Variants in FASN observed in about 807,000 individuals in gnomAD.
FASN encodes 3-hydroxyacyl-[acyl-carrier-protein] dehydratase.
Under a neutral mutation model 250.0 loss-of-function variants are expected in FASN, and 50 were observed. The observed-to-expected ratio is 0.20, with a 90% CI of 0.16 to 0.25. FASN has a LOEUF of 0.25. FASN is among the 10% of genes least tolerant of loss of function. The pLI is 1.00. For missense variants in FASN, 3,031 were observed against 3,498.5 expected, an observed-to-expected ratio of 0.87 and a Z score of 3.37; for synonymous variants, 1,909 against 1,584.0, an observed-to-expected ratio of 1.21 and a Z score of -4.87.
At chr17:82,095,076 G>A (rs747015000) in intron 3 of FASN, among the ~76,000 whole-genome samples, 38 of 152,216 alleles carry the variant, frequency 2.5e-4, no homozygotes, top group Admixed American at 1.4e-3. Flanking sequence ...CCAGACATCA[G>A]AAGCGAGGAG....
chr17:82,081,849 G>T lies in FASN; in HGVS notation c.6164-6C>A. 6.2e-7 allele frequency: 1 copy of T among 1,601,344 alleles called. No homozygotes were observed. The highest frequency in any genetic ancestry group is 8.5e-7 in the Non-Finnish European group (1 of 1,176,580). ...GCCCCACTGCACGGCCAGGCCTGTG[G>T]GGGAGGGGGCAGGTGGGCAGAGCTG... On this transcript the variant is annotated splice_region_variant and splice_polypyrimidine_tract_variant and intron_variant, in intron 36 of 42. Transcript: ENST00000306749.
Position 82,083,850 on chromosome 17 carries a change from G to A in FASN, c.5140C>T (p.Gln1714Ter). Reference protein sequence around the residue: ...KRAYLQARFPQLDSTSFANSR... With the variant: ...KRAYLQARFP ...TTGGCGAAGCTGGTGCTGTCGAGCTGGGGGAACCTGGCCTGGAGGTACGCC... is the reference window on the plus strand; with the variant it reads ...TTGGCGAAGCTGGTGCTGTCGAGCTAGGGGAACCTGGCCTGGAGGTACGCC... The change falls in exon 30 of 43, where the codon CAG becomes TAG. Residue 1714 changes from glutamine (Q) to a stop codon, truncating the protein, a stop_gained. Coordinates refer to ENST00000306749, the MANE Select transcript of FASN (RefSeq NM_004104.5). LOFTEE classifies it high-confidence loss of function. 1 of 1,592,502 alleles carries A rather than the reference G, an allele frequency of 6.3e-7. No individual in the cohort carries two copies. Among genetic ancestry groups the A allele is most frequent in the Non-Finnish European group, 8.5e-7 (1 of 1,170,412 alleles).
At position 82,087,688 on chromosome 17, in the gene FASN, C is replaced by T. The variant is rs200819909; in HGVS notation, c.3040G>A (p.Glu1014Lys). Residue 1014 changes from glutamate to lysine, a missense_variant, in exon 19 of 43, where the codon GAA becomes AAA. Physicochemically the swap from Glu to Lys is moderately conservative, Grantham distance 56 (BLOSUM62 1). Transcript: ENST00000306749. ...HFQGILEASL[E>K]GDSGRLLWKD... is the part of the protein sequence containing the mutation. Reference sequence around the variant, plus strand: ...CAGCAGTGTAGTCAGTACCCACCTTCCAGGCTGGCCTCCAGGATGCCCTGG... The same window carrying T: ...CAGCAGTGTAGTCAGTACCCACCTTTCAGGCTGGCCTCCAGGATGCCCTGG... The T allele has an allele frequency of 6.8e-6, 11 of 1,611,442 alleles. No homozygotes were observed. The East Asian group carries it at 2.2e-4, about 33-fold the overall frequency.
chr17:82,079,214 C>T lies in FASN; in HGVS notation c.7465G>A (p.Gly2489Ser), dbSNP rs753704338. The change falls in exon 43 of 43, where the codon GGC becomes AGC. Residue 2489 changes from glycine to serine, a missense_variant. Gly to Ser is a moderately conservative substitution (Grantham distance 56). Coordinates refer to ENST00000306749, the MANE Select transcript of FASN (RefSeq NM_004104.5). Reference protein sequence around the residue: ...GDHRTLLEGSGLESIISIIHS... With the variant: ...GDHRTLLEGSSLESIISIIHS... The stretch of plus-strand genomic sequence containing the variant: ...ATGATGCTGATGATGGACTCCAGGC[C>T]GCTGCCCTCCAGCAGCGTGCGGTGG... 8.7e-6 allele frequency: 14 copies of T among 1,612,864 alleles called. No individual in the cohort carries two copies. Among genetic ancestry groups the T allele is most frequent in the African/African-American group, 2.7e-5 (2 of 74,934 alleles).
At position 82,085,871 on chromosome 17, in the gene FASN, C is replaced by T. The variant is rs762888619; in HGVS notation, c.3733G>A (p.Val1245Met). 7.8e-6 allele frequency: 12 copies of T among 1,533,136 alleles called. No homozygotes were observed. Among genetic ancestry groups the T allele is most frequent in the Non-Finnish European group, 2.6e-6 (3 of 1,144,140 alleles). The allele number at this position is 1,533,136 out of a possible 1,614,324, so 95.0% of individuals were successfully genotyped here. The change falls in exon 23 of 43, where the codon GTG (valine) becomes ATG (methionine). Residue 1245 changes from valine to methionine, a missense_variant and splice_region_variant. Coordinates refer to ENST00000306749, the MANE Select transcript of FASN (RefSeq NM_004104.5). ...MPSLKMKVVE[V>M]LAGHGHLYSR... ...TACAGGTGACCGTGGCCAGCCAGCA[C>T]CTGTAGGGGGTGAATTCTGGAATCA...
In FASN at chr17:82,087,319, G is replaced by C; in HGVS notation, c.3223+6C>G. 1 of 1,610,668 alleles carries C rather than the reference G, an allele frequency of 6.2e-7. No individual in the cohort carries two copies. Among genetic ancestry groups the C allele is most frequent in the Non-Finnish European group, 8.5e-7 (1 of 1,179,302 alleles). On this transcript the variant is annotated splice_donor_region_variant and intron_variant, in intron 20 of 42. Coordinates refer to ENST00000306749, the MANE Select transcript of FASN (RefSeq NM_004104.5). ...GGGCACTGGGCTGGGGCTGGGGCGG[G>C]GCTACCTTGGGCCTTGTCCTGCAGT...
chr17:82,082,416 TG>T lies in FASN; in HGVS notation c.5920-3del. The T allele has an allele frequency of 1.2e-6, 2 of 1,612,648 alleles. No individual in the cohort carries two copies. The highest frequency in any genetic ancestry group is 1.7e-6 in the Non-Finnish European group (2 of 1,179,918). On this transcript the variant is annotated splice_region_variant and splice_polypyrimidine_tract_variant and intron_variant, in intron 34 of 42. Coordinates refer to ENST00000306749, the MANE Select transcript of FASN (RefSeq NM_004104.5). ...CTCCAGCAAGCCATCTCTCAAGACC[TG>T]GGGGAGGCATCCTCAGCACTCCCTG...
At position 82,090,989 on chromosome 17, in the gene FASN, C is replaced by T. The variant is rs988243219; in HGVS notation, c.1573G>A (p.Glu525Lys). The T allele has an allele frequency of 1.2e-6, 2 of 1,612,798 alleles. No individual in the cohort carries two copies. The highest frequency in any genetic ancestry group is 1.7e-6 in the Non-Finnish European group (2 of 1,180,012). The change falls in exon 10 of 43, where the codon GAG becomes AAG. Residue 525 changes from glutamate (E) to lysine (K), a missense_variant. Physicochemically the swap from Glu to Lys is moderately conservative, Grantham distance 56. Coordinates refer to ENST00000306749, the MANE Select transcript of FASN (RefSeq NM_004104.5). Reference sequence around the variant, plus strand: ...TTCAGGCCGAATGGCTTCACAGCCTCATCGGAGCGTAGGATGGAATCTCGG... The same window carrying T: ...TTCAGGCCGAATGGCTTCACAGCCTTATCGGAGCGTAGGATGGAATCTCGG... ...RFRDSILRSD[E>K]AVKPFGLKVS...
At position 82,083,911 on chromosome 17, in the gene FASN, C is replaced by T. The variant is rs781012694; in HGVS notation, c.5099-20G>A. The T allele has an allele frequency of 1.8e-5, 28 of 1,555,978 alleles. No individual in the cohort carries two copies. In the South Asian group the frequency reaches 1.9e-4, roughly 11 times the overall value. On this transcript the variant is annotated intron_variant, in intron 29 of 42. Coordinates refer to ENST00000306749, the MANE Select transcript of FASN (RefSeq NM_004104.5). The stretch of plus-strand genomic sequence containing the variant: ...CCGACCCTGGTGAAGAGAGGAAGCG[C>T]GGCTGGTGAGCCAGGGCGGCGGGGC...
Position 82,083,355 on chromosome 17 carries a change from A to G in FASN, c.5412T>C (p.Ser1804=), listed in dbSNP as rs140221463. The G allele has an allele frequency of 2.5e-6, 4 of 1,612,838 alleles. No homozygotes were observed. Among genetic ancestry groups the G allele is most frequent in the South Asian group, 2.2e-5 (2 of 91,086 alleles). The change falls in exon 32 of 43, where the codon AGT becomes AGC. Residue 1804 remains serine, a synonymous_variant. Coordinates refer to ENST00000306749, the MANE Select transcript of FASN (RefSeq NM_004104.5). ...VLLDAFFNES[S]ADWREVWALV... is the part of the protein sequence containing the mutation. ...GCGCCCACACCTCCCGCCAGTCAGC[A>G]CTGCTCTCGTTGAAGAACGCATCCA...
Position 82,084,696 on chromosome 17 carries a change from C to CCGT in FASN, c.4582_4584dup (p.Thr1528dup). The CCGT allele has an allele frequency of 6.4e-7, 1 of 1,569,888 alleles. No homozygotes were observed. Among genetic ancestry groups the CCGT allele is most frequent in the Non-Finnish European group, 8.6e-7 (1 of 1,157,850 alleles). On this transcript the variant is annotated inframe_insertion, in exon 27 of 43. Coordinates refer to ENST00000306749, the MANE Select transcript of FASN (RefSeq NM_004104.5). Reference sequence around the variant, plus strand: ...GTGAGGGTGCTCACAAAGGCATGTGCCGTCGGCTCCTCAGGCTTGTCTAGG... The same window carrying CCGT: ...GTGAGGGTGCTCACAAAGGCATGTGCCGTCGTCGGCTCCTCAGGCTTGTCTAGG...
rs768941457 is a variant in FASN, at chr17:82,084,622, A to G, written c.4659T>C (p.His1553=). Residue 1553 remains histidine (H), a synonymous_variant, in exon 27 of 43, where the codon CAT becomes CAC. Coordinates refer to ENST00000306749, the MANE Select transcript of FASN (RefSeq NM_004104.5). ...GGGCGCCAGGGCAGGTGGGCTGGGC[A>G]TGGCGCAGCGAGGAGCAGACCCAGC... The part of the protein sequence containing the change: ...SIRWVCSSLR[H]AQPTCPGAQL... 6.2e-7 allele frequency: 1 copy of G among 1,606,046 alleles called. No homozygotes were observed. Among genetic ancestry groups the G allele is most frequent in the South Asian group, 1.1e-5 (1 of 89,836 alleles).
intron 22 of FASN, 51 bp downstream of exon 22, chr17:82,086,201 GGT>G: frequency 6.5e-7 from 1 of 1,535,070 alleles, no homozygotes; most frequent in Non-Finnish European, 8.7e-7. Flanking sequence ...CTGATGTCAG[GGT>G]GGGTCCTACC....
At position 82,082,067 on chromosome 17, in the gene FASN, G is replaced by A. The variant is rs1568105746; in HGVS notation, c.6105C>T (p.Gly2035=). ...GRGNAGQSNY[G]FANSAMERIC... ...TACGCTCCATGGCGGAATTGGCAAA[G>A]CCGTAGTTGCTCTGTCCCGCATTGC... Residue 2035 remains glycine (G), a synonymous_variant, in exon 36 of 43, where the codon GGC becomes GGT. Coordinates refer to ENST00000306749, the MANE Select transcript of FASN (RefSeq NM_004104.5). 1.2e-6 allele frequency: 2 copies of A among 1,610,446 alleles called. No homozygotes were observed. The highest frequency in any genetic ancestry group is 1.7e-6 in the Non-Finnish European group (2 of 1,179,970).
chr17:82,091,013 G>A lies in FASN; in HGVS notation c.1549C>T (p.Arg517Ter). The change falls in exon 10 of 43, where the codon CGA becomes TGA. Residue 517 changes from arginine to a stop codon, truncating the protein, a stop_gained. Coordinates refer to ENST00000306749, the MANE Select transcript of FASN (RefSeq NM_004104.5). LOFTEE classifies it high-confidence loss of function. ...TCATCGGAGCGTAGGATGGAATCTC[G>A]GAAGCGGTCCAGGCGCATGAGGCTC... ...GLSLMRLDRF[R>*]DSILRSDEAV... The A allele has an allele frequency of 6.2e-7, 1 of 1,612,810 alleles. No individual in the cohort carries two copies. Among genetic ancestry groups the A allele is most frequent in the Non-Finnish European group, 8.5e-7 (1 of 1,179,996 alleles).
At chr17:82,082,480 C>T (rs367719661) in intron 34 of FASN, 47 bp downstream of exon 34, 53 of 1,611,278 alleles carry the variant, frequency 3.3e-5, no homozygotes, top group Non-Finnish European at 4.2e-5. Flanking sequence ...AGGGTCCCCC[C>T]CTTGGTCTTG....
At position 82,090,570 on chromosome 17, in the gene FASN, G is replaced by A. The variant is rs896766866; in HGVS notation, c.1681-6C>T. 1.2e-6 allele frequency: 2 copies of A among 1,609,428 alleles called. No homozygotes were observed. Among genetic ancestry groups the A allele is most frequent in the African/African-American group, 1.3e-5 (1 of 74,824 alleles). On this transcript the variant is annotated splice_region_variant and splice_polypyrimidine_tract_variant and intron_variant, in intron 10 of 42. Coordinates refer to ENST00000306749, the MANE Select transcript of FASN (RefSeq NM_004104.5). The stretch of plus-strand genomic sequence containing the variant: ...AGCAGGTCTATGAGGCCTATCTGGG[G>A]TGGGAACAGGACACTCAGGTTGCAA...
At chr17:82,094,528 T>C (rs997440072) in intron 3 of FASN, among the ~76,000 whole-genome samples, 4 of 151,934 alleles carry the variant, frequency 2.6e-5, no homozygotes, top group African/African-American at 7.3e-5. Flanking sequence ...TGGTGGCTCA[T>C]GCCTGTAATC....
Position 82,089,695 on chromosome 17 carries a change from G to T in FASN, c.1902C>A (p.Cys634Ter). Reference protein sequence around the residue: ...GLSWEECKQRCPPGVVPACHN... With the variant: ...GLSWEECKQR ...GGCAGGCGGGCACCACGCCCGGGGG[G>T]CAGCGCTGTTTACACTCCTCCCAGG... Residue 634 changes from cysteine to a stop codon, truncating the protein, a stop_gained, in exon 12 of 43, where the codon TGC (cysteine) becomes TGA (stop). Transcript: ENST00000306749. LOFTEE classifies it high-confidence loss of function. The T allele has an allele frequency of 6.3e-7, 1 of 1,590,670 alleles. No homozygotes were observed. The highest frequency in any genetic ancestry group is 8.5e-7 in the Non-Finnish European group (1 of 1,170,472).
Sources: allele counts gnomAD v4.1 joint callset (sites outside exome capture counted in the v4.1 genomes callset), GRCh38; gene constraint gnomAD v4.1.1; transcripts MANE v1.5; gene names NCBI Gene and HGNC (gene_info 2026-07-23, HGNC 2026-07-21).